Variants in SWT1 observed in about 807,000 individuals in gnomAD.
SWT1 encodes the protein transcriptional protein SWT1.
Under a neutral mutation model 107.3 loss-of-function variants are expected in SWT1, and 33 were observed. The ratio of observed to expected loss-of-function variants is 0.31; its 90% CI spans 0.23 to 0.41. SWT1 has a LOEUF of 0.41. Among genes scored for constraint, SWT1 ranks in the 10% least tolerant of loss-of-function variants. The probability of loss-of-function intolerance (pLI) is 1.00; values close to 1 mark genes in which losing one functional copy is unlikely to be tolerated. For synonymous variants in SWT1, 345 were observed against 348.3 expected (o/e 0.99, Z 0.11); for missense variants, 898 against 1,028.9 (o/e 0.87, Z 1.74).
chr1:185,174,670 C>A lies in SWT1; in HGVS notation c.523C>A (p.His175Asn). The A allele has an allele frequency of 6.2e-7, 1 of 1,613,802 alleles. No individual in the cohort carries two copies. Among genetic ancestry groups the A allele is most frequent in the Non-Finnish European group, 8.5e-7 (1 of 1,179,952 alleles). ...EGQASENKWS[H>N]LLVQREKMKE... ...CCAGGCAAGTGAAAATAAATGGTCT[C>A]ATTTACTTGTTCAGAGAGAGAAGAT... Residue 175 changes from histidine (H) to asparagine (N), a missense_variant, in exon 5 of 19, where the codon CAT becomes AAT. By Grantham distance (68) the His-to-Asn change is moderately conservative. This residue lies in a region of SWT1 where 382 missense variants were observed against 362.4 expected (regional missense o/e 1.05). Coordinates refer to ENST00000367500, the MANE Select transcript of SWT1 (RefSeq NM_017673.7).
intron 16 of SWT1, among the ~76,000 whole-genome samples, chr1:185,257,521 T>G (rs892652676): frequency 6.6e-6 from 1 of 152,214 alleles, no homozygotes; most frequent in Non-Finnish European, 1.5e-5. Context: ...AGCGCAGTAT[T>G]CGGGTGGGAG....
chr1:185,250,557 C>G (rs1267436298), intron 16 of SWT1, among the ~76,000 whole-genome samples: 1 of 152,198 alleles, frequency 6.6e-6, no homozygotes, highest in African/African-American at 2.4e-5. Context: ...TCTGTGAGCT[C>G]ATCCCAACTC....
intron 16 of SWT1, among the ~76,000 whole-genome samples, chr1:185,258,700 G>C (rs1041500195): frequency 1.3e-5 from 2 of 151,942 alleles, no homozygotes; most frequent in African/African-American, 4.8e-5. Flanking sequence ...TTTTTTGCTA[G>C]CTAATGCCTT....
In SWT1 at chr1:185,204,751, T is replaced by C. The variant is rs752764669; in HGVS notation, c.1721T>C (p.Leu574Pro). Reference sequence around the variant, plus strand: ...AAGGAGGAATCTACAAATTCTGGACTGTCCATTCTGCTTGAGAGCATTGTA... The same window carrying C: ...AAGGAGGAATCTACAAATTCTGGACCGTCCATTCTGCTTGAGAGCATTGTA... ...SYKEESTNSG[L>P]SILLESIVSD... The change falls in exon 12 of 19, where the codon CTG becomes CCG. Residue 574 changes from leucine to proline, a missense_variant. Physicochemically the swap from Leu to Pro is moderately conservative, Grantham distance 98. This residue lies in a region of SWT1 where 382 missense variants were observed against 460.0 expected (regional missense o/e 0.83). Coordinates refer to ENST00000367500, the MANE Select transcript of SWT1 (RefSeq NM_017673.7). 1.2e-6 allele frequency: 2 copies of C among 1,600,472 alleles called. No homozygotes were observed. Among genetic ancestry groups the C allele is most frequent in the Non-Finnish European group, 1.7e-6 (2 of 1,174,464 alleles).
chr1:185,220,187 T>A (rs1571538839), intron 14 of SWT1, among the ~76,000 whole-genome samples: 2 of 148,718 alleles, frequency 1.3e-5, no homozygotes, highest in African/African-American at 4.9e-5. Flanking sequence ...ACCATTGTTT[T>A]CATTTTTGCA....
intron 14 of SWT1, among the ~76,000 whole-genome samples, chr1:185,218,212 T>C (rs1659369701): frequency 6.6e-6 from 1 of 152,244 alleles, no homozygotes; most frequent in Non-Finnish European, 1.5e-5. Context: ...CTACCTAATC[T>C]TAATTTATTA....
intron 18 of SWT1, among the ~76,000 whole-genome samples, chr1:185,287,262 T>C (rs1359961531): frequency 6.6e-6 from 1 of 152,176 alleles, no homozygotes; most frequent in African/African-American, 2.4e-5. Context: ...AAATTTCTAG[T>C]TATTTTGACC....
intron 17 of SWT1, among the ~76,000 whole-genome samples, chr1:185,272,541 A>C (rs774872296): frequency 4.6e-5 from 7 of 152,012 alleles, no homozygotes; most frequent in Admixed American, 3.3e-4. Flanking sequence ...AAGAACACAG[A>C]CTCTGAAGTC....
chr1:185,177,792 A>C (rs745480708), intron 5 of SWT1, among the ~76,000 whole-genome samples: 7 of 152,140 alleles, frequency 4.6e-5, no homozygotes, highest in African/African-American at 2.4e-5. Context: ...TCAAATTGCA[A>C]ACCTCCCCCT....
At chr1:185,253,686 C>G (rs1168714802) in intron 16 of SWT1, among the ~76,000 whole-genome samples, 1 of 152,208 alleles carries the variant, frequency 6.6e-6, no homozygotes, top group South Asian at 2.1e-4. Flanking sequence ...TCGGCTGAGA[C>G]GATGGGGTTT....
chr1:185,193,687 G>T (rs1969750), intron 10 of SWT1, among the ~76,000 whole-genome samples: 54,757 of 151,886 alleles, frequency 0.36, 10,049 homozygotes, highest in African/African-American at 0.4. Flanking sequence ...GGATGATCTT[G>T]ATCTCCTGAC....
intron 15 of SWT1, 28 bp from the exon 16 acceptor site, chr1:185,231,549 A>T (rs186146406): frequency 6.4e-7 from 1 of 1,551,762 alleles, no homozygotes; most frequent in South Asian, 1.1e-5. Flanking sequence ...ATGTATACCT[A>T]TGAGTATCTT....
Position 185,283,103 on chromosome 1 carries a change from A to C in SWT1, c.2573+6435A>C, listed in dbSNP as rs1664738446. On this transcript the variant is annotated intron_variant, in intron 18 of 18. Transcript: ENST00000367500. The stretch of plus-strand genomic sequence containing the variant: ...CAAACAGGAGCCTCTGTCCCCATGG[A>C]GTTGGGTATGCCACCCTCCTGGCAT... Among the ~76,000 whole-genome samples the C allele has an allele frequency of 2.6e-5, 4 of 152,306 alleles. No homozygotes were observed. In the South Asian group the frequency reaches 8.3e-4, roughly 32 times the overall value.
chr1:185,191,643 T>A (rs1656958363), intron 10 of SWT1, among the ~76,000 whole-genome samples: 3 of 152,202 alleles, frequency 2.0e-5, no homozygotes, highest in Admixed American at 1.3e-4. Context: ...CTATGAGTTT[T>A]AAATTATATT....
intron 1 of SWT1, among the ~76,000 whole-genome samples, chr1:185,158,091 G>T (rs1411256512): frequency 6.6e-6 from 1 of 152,124 alleles, no homozygotes; most frequent in Admixed American, 6.5e-5. Flanking sequence ...AACAAGACGC[G>T]CGCTTCCAGT....
intron 16 of SWT1, among the ~76,000 whole-genome samples, chr1:185,259,714 A>G (rs1662889775): frequency 6.6e-6 from 1 of 152,058 alleles, no homozygotes; most frequent in Admixed American, 6.6e-5. Context: ...TTTATTTGCC[A>G]AATAGGGCAG....
intron 7 of SWT1, among the ~76,000 whole-genome samples, chr1:185,182,564 C>G (rs918987089): frequency 1.3e-5 from 2 of 148,490 alleles, no homozygotes; most frequent in African/African-American, 5.0e-5. Context: ...ACTCAGGAGG[C>G]TGAGGTGGGA....
At chr1:185,175,252 T>A in intron 5 of SWT1, 139 bp downstream of exon 5, 1 of 773,020 alleles carries the variant, frequency 1.3e-6, no homozygotes, top group Non-Finnish European at 1.9e-6. Flanking sequence ...AGACAGGGTC[T>A]CACTCCGTTG....
chr1:185,221,925 C>T lies in SWT1; in HGVS notation c.2198C>T (p.Ser733Phe), dbSNP rs1168866440. 3.1e-6 allele frequency: 5 copies of T among 1,611,876 alleles called. No individual in the cohort carries two copies. Among genetic ancestry groups the T allele is most frequent in the Non-Finnish European group, 4.2e-6 (5 of 1,179,156 alleles). ...KKQEGTSLKN[S>F]HNQEITVFSS... ...CAGGAAGGTACTTCATTGAAGAATT[C>T]TCATAATCAAGAAATCACTGTTTTC... The change falls in exon 15 of 19, where the codon TCT becomes TTT. Residue 733 changes from serine (S) to phenylalanine (F), a missense_variant. Ser to Phe is a radical substitution (Grantham distance 155, BLOSUM62 -2). Transcript: ENST00000367500.
Sources: gnomAD v4.1 joint callset for allele counts (sites outside exome capture counted in the v4.1 genomes callset) on GRCh38, gnomAD v4.1.1 for gene constraint, gnomAD v4.1.1 regional missense constraint, MANE v1.5 for transcripts, NCBI Gene and HGNC (gene_info 2026-07-23, HGNC 2026-07-21) for gene names.